The following SASH1 variants were observed in gnomAD, a reference collection of about 807,000 sequenced individuals.
SASH1 encodes SAM and SH3 domain-containing protein 1.
A neutral mutation model predicts 125.2 loss-of-function variants in SASH1; 44 were observed. That is an observed-to-expected ratio of 0.35 (90% CI 0.28 to 0.45). The LOEUF is 0.45. Among genes scored for constraint, SASH1 ranks in the 20% least tolerant of loss-of-function variants. The pLI is 1.00. For missense variants in SASH1, 1,426 were observed against 1,614.5 expected (o/e 0.88, Z 2.00); for synonymous variants, 639 against 649.1 (o/e 0.98, Z 0.24).
At chr6:148,453,764 C>T (rs568876220) in intron 4 of SASH1, among the ~76,000 whole-genome samples, 2 of 152,188 alleles carry the variant, frequency 1.3e-5, no homozygotes, top group Non-Finnish European at 2.9e-5. Context: ...GCTTATAATG[C>T]AATGCGAAAA....
At chr6:148,367,185 A>G (rs142008760) in intron 1 of SASH1, among the ~76,000 whole-genome samples, 3,435 of 152,160 alleles carry the variant, frequency 0.023, 50 homozygotes, top group African/African-American at 0.048. Context: ...CGGCCTCCCA[A>G]AGTGCGGGGA....
the SASH1 span, among the ~76,000 whole-genome samples, chr6:148,198,188 C>T: frequency 6.6e-6 from 1 of 152,180 alleles, no homozygotes; most frequent in Non-Finnish European, 1.5e-5. Flanking sequence ...CACTCACTCC[C>T]CTCTCTTGTT....
At chr6:148,244,957 TGTGA>T in the SASH1 span, among the ~76,000 whole-genome samples, 1,148 of 135,586 alleles carry the variant, frequency 8.5e-3, 5 homozygotes, top group Middle Eastern at 0.034. Flanking sequence ...TGTGTGTGTG[TGTGA>T]GAGAGAGAGA....
the SASH1 span, among the ~76,000 whole-genome samples, chr6:148,229,761 G>A: frequency 0.085 from 11,340 of 133,038 alleles, 535 homozygotes; most frequent in Middle Eastern, 0.15. Flanking sequence ...TTGCTCTGTC[G>A]CCTAGGCTGG....
At chr6:148,406,895 T>TC (rs1020425188) in intron 2 of SASH1, among the ~76,000 whole-genome samples, 1 of 150,292 alleles carries the variant, frequency 6.7e-6, no homozygotes, top group African/African-American at 2.5e-5. Context: ...AATCAGGCTC[T>TC]CCAAGGGAGG....
At chr6:148,328,600 A>T (rs963027922) in intron 1 of SASH1, among the ~76,000 whole-genome samples, 2 of 152,096 alleles carry the variant, frequency 1.3e-5, no homozygotes, top group African/African-American at 4.8e-5. Flanking sequence ...CTCAAAAAAA[A>T]AAAAAATAGT....
At chr6:148,534,557 A>T (rs1391566213) in intron 15 of SASH1, among the ~76,000 whole-genome samples, 194 bp from the exon 16 acceptor site, 3 of 152,208 alleles carry the variant, frequency 2.0e-5, no homozygotes, top group Admixed American at 2.0e-4. Flanking sequence ...CCCATGATTA[A>T]TAAAACACCC....
chr6:148,482,686 T>C (rs1160037609), intron 7 of SASH1, among the ~76,000 whole-genome samples: 1 of 115,780 alleles, frequency 8.6e-6, no homozygotes, highest in East Asian at 2.9e-4. Flanking sequence ...CACACCTGGC[T>C]AATTTTTTTT....
chr6:148,514,543 G>A, intron 9 of SASH1, 87 bp downstream of exon 9: 3 of 1,356,250 alleles, frequency 2.2e-6, no homozygotes, highest in Non-Finnish European at 2.9e-6. Flanking sequence ...TTTCTCAGCA[G>A]AAAAGGGATA....
chr6:148,531,498 T>G, intron 12 of SASH1, 28 bp from the exon 13 acceptor site: 3 of 1,456,988 alleles, frequency 2.1e-6, no homozygotes, highest in Non-Finnish European at 2.7e-6. Context: ...TCTGATGAAC[T>G]TCTTCATTTT....
At position 148,474,234 on chromosome 6, in the gene SASH1, G is replaced by C. The variant is rs548950123; in HGVS notation, c.627+12G>C. The C allele has an allele frequency of 6.6e-7, 1 of 1,505,014 alleles. No homozygotes were observed. The highest frequency in any genetic ancestry group is 9.1e-7 in the Non-Finnish European group (1 of 1,092,990). The allele number at this position is 1,505,014 out of a possible 1,614,324, so 93.2% of individuals were successfully genotyped here. A position where few individuals can be genotyped will look rare whatever the true frequency, so the allele number is the denominator to read the frequency against. On this transcript the variant is annotated intron_variant, in intron 7 of 19. Coordinates refer to ENST00000367467, the MANE Select transcript of SASH1 (RefSeq NM_015278.5). ...AAGCACTTGCTAGGGTAAGCATGCA[G>C]ATACCTGGTTTATATTTGTGAGGAC... is the stretch of plus-strand genomic sequence containing the variant.
the SASH1 span, among the ~76,000 whole-genome samples, chr6:148,230,835 T>C: frequency 2.0e-4 from 31 of 152,214 alleles, no homozygotes; most frequent in African/African-American, 7.0e-4. Context: ...ATTTATCTTA[T>C]TATTAGTGAT....
intron 1 of SASH1, among the ~76,000 whole-genome samples, chr6:148,320,808 G>A (rs1209577250): frequency 6.6e-6 from 1 of 152,138 alleles, no homozygotes; most frequent in Non-Finnish European, 1.5e-5. Context: ...TTAAAACAGA[G>A]AGCTTCAAGT....
chr6:148,517,420 T>C (rs1277008027), intron 9 of SASH1, among the ~76,000 whole-genome samples: 1 of 152,174 alleles, frequency 6.6e-6, no homozygotes, highest in East Asian at 1.9e-4. Flanking sequence ...GGCCTTCACG[T>C]GAAGCAAATC....
At chr6:148,247,897 A>G in the SASH1 span, among the ~76,000 whole-genome samples, 1 of 152,232 alleles carries the variant, frequency 6.6e-6, no homozygotes, top group African/African-American at 2.4e-5. Flanking sequence ...TCCAGCAATT[A>G]AAGGATTAAA....
intron 2 of SASH1, among the ~76,000 whole-genome samples, chr6:148,410,866 G>T (rs911825748): frequency 6.6e-6 from 1 of 152,136 alleles, no homozygotes; most frequent in African/African-American, 2.4e-5. Context: ...ATCTGTGACA[G>T]ACATAAAAGG....
chr6:148,359,903 T>C (rs1200740871), intron 1 of SASH1, among the ~76,000 whole-genome samples: 11 of 151,970 alleles, frequency 7.2e-5, no homozygotes, highest in Non-Finnish European at 1.5e-4. Context: ...GGACTACAGG[T>C]GCCCGCCACC....
At chr6:148,477,653 A>G (rs1160741359) in intron 7 of SASH1, among the ~76,000 whole-genome samples, 1 of 151,016 alleles carries the variant, frequency 6.6e-6, no homozygotes, top group African/African-American at 2.4e-5. Flanking sequence ...GGCGTCCCGA[A>G]TAGCTGGGAT....
chr6:148,390,723 G>A (rs1056134795), intron 2 of SASH1, among the ~76,000 whole-genome samples: 7 of 151,376 alleles, frequency 4.6e-5, no homozygotes, highest in Non-Finnish European at 8.8e-5. Context: ...GGGTGGCAGA[G>A]CTTGCAGTGA....
Sources: allele counts gnomAD v4.1 joint callset (sites outside exome capture counted in the v4.1 genomes callset), GRCh38; gene constraint gnomAD v4.1.1; transcripts MANE v1.5; gene names NCBI Gene and HGNC (gene_info 2026-07-23, HGNC 2026-07-21).